CENPC: variants seen among roughly 807,000 people sequenced by gnomAD.
CENPC encodes centromere protein C, also known as CENP-C 1.
CENPC carries 63 observed loss-of-function variants against 112.1 expected under a neutral mutation model. The observed-to-expected ratio is 0.56, with a 90% CI of 0.46 to 0.69. The LOEUF is 0.69. CENPC is among the 30% of genes least tolerant of loss of function. The pLI is 0.00. For missense variants in CENPC, 1,000 were observed against 1,103.8 expected, an observed-to-expected ratio of 0.91 and a Z score of 1.33; for synonymous variants, 333 against 367.6, an observed-to-expected ratio of 0.91 and a Z score of 1.08.
At position 67,474,443 on chromosome 4, in the gene CENPC, C is replaced by A. The variant is rs568997242; in HGVS notation, c.2761+445G>T. On this transcript the variant is annotated intron_variant, in intron 18 of 18. Coordinates refer to ENST00000273853, the MANE Select transcript of CENPC (RefSeq NM_001812.4). ...AATTGGTTGGGCACTGTGGCTCACACCTGTAATCATAGCACTTTGGAGGCC... is the reference window on the plus strand; with the variant it reads ...AATTGGTTGGGCACTGTGGCTCACAACTGTAATCATAGCACTTTGGAGGCC... 3.3e-5 allele frequency among the ~76,000 whole-genome samples: 5 copies of A among 152,164 alleles called. No homozygotes were observed. The South Asian group carries it at 1.0e-3, about 32-fold the overall frequency.
intron 10 of CENPC, 21 bp downstream of exon 10, chr4:67,508,793 T>C: frequency 6.2e-7 from 1 of 1,603,952 alleles, no homozygotes; most frequent in Non-Finnish European, 8.5e-7. Context: ...GTAACTATAT[T>C]GTACACATAA....
intron 9 of CENPC, 43 bp from the exon 10 acceptor site, chr4:67,509,148 G>A (rs1371938207): frequency 6.7e-7 from 1 of 1,488,030 alleles, no homozygotes; most frequent in Non-Finnish European, 9.1e-7. Context: ...AGTTTGTCCA[G>A]ATGATTTGGC....
At chr4:67,504,733 A>G (rs1355256369) in intron 12 of CENPC, among the ~76,000 whole-genome samples, 3 of 152,162 alleles carry the variant, frequency 2.0e-5, no homozygotes, top group African/African-American at 7.2e-5. Context: ...AAGGCAGGAG[A>G]ATTGCCTGAA....
At chr4:67,527,493 CTTTTT>C (rs11317672) in intron 5 of CENPC, among the ~76,000 whole-genome samples, 1 of 68,080 alleles carries the variant, frequency 1.5e-5, no homozygotes. Flanking sequence ...TCACCCCATC[CTTTTT>C]TTTTTTTTTT....
rs1341380366 is a variant in CENPC, at chr4:67,469,369, CAG to C, written c.*3234_*3235del. 5 of 152,072 alleles carry C rather than the reference CAG, an allele frequency of 3.3e-5. No homozygotes were observed. Among genetic ancestry groups the C allele is most frequent in the African/African-American group, 1.2e-4 (5 of 41,432 alleles). The allele number at this position is 152,072 out of a possible 1,614,324, so 9.4% of individuals were successfully genotyped here. A position where few individuals can be genotyped will look rare whatever the true frequency, so the allele number is the denominator to read the frequency against. On this transcript the variant is annotated 3_prime_UTR_variant, in exon 19 of 19. Coordinates refer to ENST00000273853, the MANE Select transcript of CENPC (RefSeq NM_001812.4). ...ATTCTTTTGTTTTCTTTTTTTGAGT[CAG>C]AGTCTTGCTCGGCTGCCCAGCCTGG...
At chr4:67,475,615 T>C (rs939291571) in intron 17 of CENPC, among the ~76,000 whole-genome samples, 18 of 152,240 alleles carry the variant, frequency 1.2e-4, no homozygotes, top group African/African-American at 4.3e-4. Context: ...TTCTTGTTTT[T>C]TGAGATGGAG....
intron 5 of CENPC, among the ~76,000 whole-genome samples, chr4:67,530,258 G>A (rs979067339): frequency 6.6e-6 from 1 of 152,132 alleles, no homozygotes; most frequent in African/African-American, 2.4e-5. Flanking sequence ...CATGGAAATG[G>A]ACACTAAAGT....
chr4:67,544,970 T>C (rs992293378), intron 1 of CENPC, among the ~76,000 whole-genome samples: 5 of 151,838 alleles, frequency 3.3e-5, no homozygotes, highest in Non-Finnish European at 7.4e-5. Context: ...GCCTAGGAAC[T>C]GGAGCTAGAC....
intron 5 of CENPC, among the ~76,000 whole-genome samples, chr4:67,526,218 T>C (rs1204359651): frequency 6.6e-6 from 1 of 151,950 alleles, no homozygotes; most frequent in Non-Finnish European, 1.5e-5. Flanking sequence ...ACCTAACTCA[T>C]GTGGGGCTTA....
chr4:67,527,509 T>C (rs930084830), intron 5 of CENPC, among the ~76,000 whole-genome samples: 1 of 142,530 alleles, frequency 7.0e-6, no homozygotes, highest in African/African-American at 2.6e-5. Context: ...TTTTTTTTTT[T>C]TTTTTTTTTT....
chr4:67,506,775 A>C lies in CENPC; in HGVS notation c.2051+13T>G, dbSNP rs1447341403. ...TAATATATACAACTATTATCCTTAC[A>C]ATACACGCATACCTTTCCTCTAAAA... On this transcript the variant is annotated intron_variant, in intron 11 of 18. Transcript: ENST00000273853. 1.3e-6 allele frequency: 2 copies of C among 1,568,714 alleles called. No homozygotes were observed. Among genetic ancestry groups the C allele is most frequent in the Admixed American group, 3.8e-5 (2 of 52,454 alleles).
At chr4:67,516,973 A>G (rs1014121212) in intron 7 of CENPC, among the ~76,000 whole-genome samples, 4 of 152,046 alleles carry the variant, frequency 2.6e-5, no homozygotes, top group African/African-American at 9.7e-5. Flanking sequence ...AGTATCAAAA[A>G]GAACATTAAA....
At position 67,530,831 on chromosome 4, in the gene CENPC, T is replaced by C. The variant is rs765163969; in HGVS notation, c.315A>G (p.Glu105=). Residue 105 remains glutamate (E), a synonymous_variant, in exon 5 of 19, where the codon GAA becomes GAG. Transcript: ENST00000273853. ...ASLQFVVEPS[E]ATNRSVQAHE... ...GGCACCAACCTGATCTGTTTGTGGC[T>C]TCACTTGGTTCTACAACAAACTGTA... 1.3e-6 allele frequency: 2 copies of C among 1,592,338 alleles called. No individual in the cohort carries two copies. Among genetic ancestry groups the C allele is most frequent in the Non-Finnish European group, 1.7e-6 (2 of 1,166,530 alleles).
In CENPC at chr4:67,485,475, C is replaced by A. The variant is rs568762300; in HGVS notation, c.2670+4492G>T. ...TTCACACTCTGGAATCTTAACCCCC[C>A]CAATGTGATGGGATCAGGAGGTGGG... On this transcript the variant is annotated intron_variant, in intron 17 of 18. Coordinates refer to ENST00000273853, the MANE Select transcript of CENPC (RefSeq NM_001812.4). Among the ~76,000 whole-genome samples, 8 of 151,448 alleles carry A rather than the reference C, an allele frequency of 5.3e-5. 1 individual carries two copies. The highest frequency in any genetic ancestry group is 6.8e-3 in the Middle Eastern group (2 of 294).
intron 16 of CENPC, 89 bp from the exon 17 acceptor site, chr4:67,490,210 T>C: frequency 1.1e-6 from 1 of 880,240 alleles, no homozygotes; most frequent in Non-Finnish European, 1.6e-6. Flanking sequence ...AAAGAGTCAT[T>C]TCTGGATATA....
At position 67,539,897 on chromosome 4, in the gene CENPC, T is replaced by G; in HGVS notation, c.174A>C (p.Ser58=). ...ANDFSTNSTK[S]VPNSTRKIKD... ...TTATTTTGCGTGTTGAATTAGGCAC[T>G]GATTTTGTAGAATTTGTACTAAAAT... Residue 58 remains serine (S), a synonymous_variant, in exon 4 of 19, where the codon TCA becomes TCC. Transcript: ENST00000273853. The G allele has an allele frequency of 6.5e-7, 1 of 1,530,784 alleles. No individual in the cohort carries two copies. Among genetic ancestry groups the G allele is most frequent in the Non-Finnish European group, 8.8e-7 (1 of 1,141,990 alleles). The allele number at this position is 1,530,784 out of a possible 1,614,324, so 94.8% of individuals were successfully genotyped here. A position where few individuals can be genotyped will look rare whatever the true frequency, so the allele number is the denominator to read the frequency against.
intron 17 of CENPC, among the ~76,000 whole-genome samples, chr4:67,481,322 T>C (rs1724951603): frequency 6.6e-6 from 1 of 152,150 alleles, no homozygotes; most frequent in African/African-American, 2.4e-5. Context: ...GAAAATGACA[T>C]ACTGCCAAAA....
intron 5 of CENPC, among the ~76,000 whole-genome samples, chr4:67,522,766 A>G (rs355502): frequency 0.99 from 150,712 of 152,246 alleles, 74,614 homozygotes; most frequent in East Asian, 1. Context: ...TTGGGAGGCC[A>G]AGGTGGGTGG....
intron 12 of CENPC, among the ~76,000 whole-genome samples, chr4:67,497,997 C>T (rs940094529): frequency 2.0e-5 from 3 of 151,898 alleles, no homozygotes; most frequent in African/African-American, 7.3e-5. Flanking sequence ...TTGGGAGGCC[C>T]AGGAGGGTGG....
Sources: gnomAD v4.1 joint callset for allele counts (sites outside exome capture counted in the v4.1 genomes callset) on GRCh38, gnomAD v4.1.1 for gene constraint, MANE v1.5 for transcripts, NCBI Gene and HGNC (gene_info 2026-07-23, HGNC 2026-07-21) for gene names.